Variants in LEPR observed in about 807,000 individuals in gnomAD.
LEPR encodes the protein OB receptor.
LEPR carries 56 observed loss-of-function variants against 114.7 expected under a neutral mutation model. The observed-to-expected ratio is 0.49, with a 90% CI of 0.39 to 0.61. The LOEUF is 0.61. Ranked by LOEUF, LEPR falls within the 20% of genes least tolerant of loss-of-function variation. LEPR has a pLI of 0.00. For missense variants in LEPR, 1,202 were observed against 1,352.9 expected (o/e 0.89, Z 1.75); for synonymous variants, 443 against 461.4 (o/e 0.96, Z 0.51).
At chr1:65,581,389 G>T (rs12059300) in intron 5 of LEPR, among the ~76,000 whole-genome samples, 1 of 151,444 alleles carries the variant, frequency 6.6e-6, no homozygotes, top group Non-Finnish European at 1.5e-5. Context: ...GCCCATATGC[G>T]CATCTAAGTT....
chr1:65,592,123 A>C (rs1313786747), intron 5 of LEPR, among the ~76,000 whole-genome samples: 2 of 151,970 alleles, frequency 1.3e-5, no homozygotes, highest in Non-Finnish European at 2.9e-5. Flanking sequence ...CATACATTTT[A>C]CTTTTACCTA....
Position 65,639,642 on chromosome 1 carries a change from A to G in LEPR, c.*2627A>G, listed in dbSNP as rs1295998553. 6.6e-6 allele frequency: 1 copy of G among 152,186 alleles called. No homozygotes were observed. The highest frequency in any genetic ancestry group is 1.5e-5 in the Non-Finnish European group (1 of 68,032). The allele number at this position is 152,186 out of a possible 1,614,324, so 9.4% of individuals were successfully genotyped here. A position where few individuals can be genotyped will look rare whatever the true frequency, so the allele number is the denominator to read the frequency against. Reference sequence around the variant, plus strand: ...TGAAATAGGGGCTATGGTCTTTTAAACTTATAAATCTGGAATTTTTAATAT... The same window carrying G: ...TGAAATAGGGGCTATGGTCTTTTAAGCTTATAAATCTGGAATTTTTAATAT... On this transcript the variant is annotated 3_prime_UTR_variant, in exon 20 of 20. Coordinates refer to ENST00000349533, the MANE Select transcript of LEPR (RefSeq NM_002303.6).
At chr1:65,588,132 C>G (rs568627320) in intron 5 of LEPR, among the ~76,000 whole-genome samples, 120 of 152,032 alleles carry the variant, frequency 7.9e-4, no homozygotes, top group African/African-American at 2.8e-3. Context: ...CACTCTTCTC[C>G]CCACTGCTCT....
intron 2 of LEPR, among the ~76,000 whole-genome samples, chr1:65,503,387 A>G (rs775683448): frequency 2.0e-5 from 3 of 152,346 alleles, no homozygotes; most frequent in South Asian, 2.1e-4. Context: ...TGCTACAAAC[A>G]TATGATAAAA....
intron 2 of LEPR, among the ~76,000 whole-genome samples, chr1:65,428,259 G>A (rs1646418731): frequency 6.6e-6 from 1 of 151,912 alleles, no homozygotes; most frequent in South Asian, 2.1e-4. Flanking sequence ...GTTGGATATC[G>A]GTGGCTTACT....
At chr1:65,445,565 G>A (rs770769221) in intron 2 of LEPR, among the ~76,000 whole-genome samples, 10 of 151,980 alleles carry the variant, frequency 6.6e-5, no homozygotes, top group Non-Finnish European at 1.0e-4. Context: ...GGATCTGTGC[G>A]AAACTCACTA....
intron 2 of LEPR, among the ~76,000 whole-genome samples, chr1:65,523,724 C>T (rs942732361): frequency 1.3e-5 from 2 of 152,192 alleles, no homozygotes; most frequent in Non-Finnish European, 2.9e-5. Flanking sequence ...TGATTTTGAT[C>T]TCTATTAGTT....
At chr1:65,609,665 T>G (rs1215545903) in intron 12 of LEPR, among the ~76,000 whole-genome samples, 1 of 152,186 alleles carries the variant, frequency 6.6e-6, no homozygotes, top group Non-Finnish European at 1.5e-5. Context: ...GGACAGGGAT[T>G]AGTAGGAGGG....
At chr1:65,468,551 A>G (rs1330429140) in intron 2 of LEPR, among the ~76,000 whole-genome samples, 1 of 152,212 alleles carries the variant, frequency 6.6e-6, no homozygotes, top group Non-Finnish European at 1.5e-5. Flanking sequence ...GAGTTGAGGC[A>G]AAATCCACAG....
At chr1:65,575,489 T>C (rs1654522444) in intron 5 of LEPR, among the ~76,000 whole-genome samples, 1 of 151,590 alleles carries the variant, frequency 6.6e-6, no homozygotes, top group Non-Finnish European at 1.5e-5. Context: ...CTTTATTTCA[T>C]GTGTATGTAG....
intron 2 of LEPR, chr1:65,431,766 G>T: frequency 6.3e-7 from 1 of 1,597,318 alleles, no homozygotes; most frequent in African/African-American, 1.4e-5. Context: ...CAATATGAAG[G>T]AAGTAAGGAT....
chr1:65,526,095 C>T (rs1298112861), intron 2 of LEPR: 10 of 912,880 alleles, frequency 1.1e-5, no homozygotes, highest in Non-Finnish European at 1.3e-5. Context: ...CTGGAGCGAA[C>T]CTGCTCGGGA....
At chr1:65,544,265 T>G (rs1286994233) in intron 2 of LEPR, among the ~76,000 whole-genome samples, 1 of 152,040 alleles carries the variant, frequency 6.6e-6, no homozygotes, top group Non-Finnish European at 1.5e-5. Flanking sequence ...TGTATAGGAA[T>G]GCTTGTGATT....
rs1387030829 is a variant in LEPR, at chr1:65,613,507, A to G, written c.1996-2501A>G. ...GGTGGCTCACGCCTGTAATCCCAGC[A>G]CTTTGGGAGGCCGAGGCGGGTGGAT... is the stretch of plus-strand genomic sequence containing the variant. On this transcript the variant is annotated intron_variant, in intron 14 of 19. Coordinates refer to ENST00000349533, the MANE Select transcript of LEPR (RefSeq NM_002303.6). Among the ~76,000 whole-genome samples, 3 of 139,730 alleles carry G rather than the reference A, an allele frequency of 2.1e-5. No individual in the cohort carries two copies. In the South Asian group the frequency reaches 6.6e-4, roughly 31 times the overall value. The allele number at this position is 139,730 out of a possible 152,430, so 91.7% of individuals were successfully genotyped here.
intron 2 of LEPR, among the ~76,000 whole-genome samples, chr1:65,460,252 G>C (rs1264732351): frequency 6.6e-6 from 1 of 152,138 alleles, no homozygotes; most frequent in Non-Finnish European, 1.5e-5. Context: ...GAGAGAGAAA[G>C]TAACTTTCCC....
chr1:65,545,677 G>C (rs958766041), intron 2 of LEPR, among the ~76,000 whole-genome samples: 6 of 152,312 alleles, frequency 3.9e-5, no homozygotes, highest in South Asian at 2.1e-4. Flanking sequence ...TTGTAAATTA[G>C]TTTGAGTTCA....
chr1:65,481,559 G>A (rs1647240227), intron 2 of LEPR, among the ~76,000 whole-genome samples: 1 of 151,826 alleles, frequency 6.6e-6, no homozygotes, highest in Non-Finnish European at 1.5e-5. Flanking sequence ...TAAAAGATAA[G>A]AAAAAGTTGC....
chr1:65,478,764 G>A (rs557891779), intron 2 of LEPR, among the ~76,000 whole-genome samples: 2 of 152,318 alleles, frequency 1.3e-5, no homozygotes, highest in Admixed American at 1.3e-4. Flanking sequence ...ATCAGCGCCA[G>A]TGAATCTACC....
intron 2 of LEPR, among the ~76,000 whole-genome samples, chr1:65,484,670 C>G (rs776833372): frequency 1.3e-5 from 2 of 152,172 alleles, no homozygotes; most frequent in Non-Finnish European, 2.9e-5. Context: ...TTTCATGCAA[C>G]TGAAAAGCCT....
Sources: allele counts gnomAD v4.1 joint callset (sites outside exome capture counted in the v4.1 genomes callset), GRCh38; gene constraint gnomAD v4.1.1; transcripts MANE v1.5; gene names NCBI Gene and HGNC (gene_info 2026-07-23, HGNC 2026-07-21).